The following C10orf143 variants were observed in gnomAD, a reference collection of about 807,000 sequenced individuals.
C10orf143 encodes the protein chromosome 10 open reading frame 143.
chr10:130,055,601 A>C (rs886729514), intron 3 of C10orf143, among the ~76,000 whole-genome samples: 2 of 152,304 alleles, frequency 1.3e-5, no homozygotes, highest in Admixed American at 1.3e-4. Context: ...GTTTGAAAAA[A>C]TTAAGAATTA....
chr10:130,106,216 T>G (rs780999944), intron 1 of C10orf143: 1 of 1,271,562 alleles, frequency 7.9e-7, no homozygotes, highest in South Asian at 1.2e-5. Context: ...CTGTTCTCCT[T>G]TTTCTGTGGA....
chr10:130,048,823 C>T (rs1429687371), intron 3 of C10orf143, among the ~76,000 whole-genome samples: 1 of 152,034 alleles, frequency 6.6e-6, no homozygotes. Flanking sequence ...CCGCCTCAGT[C>T]CCCCAAGCAG....
At chr10:130,070,248 C>T (rs1015801848) in intron 3 of C10orf143, among the ~76,000 whole-genome samples, 1 of 152,160 alleles carries the variant, frequency 6.6e-6, no homozygotes. Context: ...TGATTCTGTT[C>T]TCTGTTCTTG....
chr10:130,080,375 T>C (rs577384129), intron 1 of C10orf143, among the ~76,000 whole-genome samples: 4 of 152,364 alleles, frequency 2.6e-5, no homozygotes, highest in African/African-American at 9.6e-5. Context: ...GCATACACAG[T>C]CCATAACTGA....
intron 1 of C10orf143, chr10:130,107,238 T>C: frequency 7.8e-7 from 1 of 1,284,756 alleles, no homozygotes; most frequent in Non-Finnish European, 1.1e-6. Flanking sequence ...TACAGGAAAT[T>C]AACAGTAGAG....
chr10:130,091,239 T>C (rs2765486), intron 1 of C10orf143, among the ~76,000 whole-genome samples: 88,132 of 152,116 alleles, frequency 0.58, 26,969 homozygotes, highest in Admixed American at 0.7. Context: ...CAGCAATCTT[T>C]GGTGTTCTGC....
intron 1 of C10orf143, chr10:130,107,727 G>A: frequency 8.1e-7 from 1 of 1,236,360 alleles, no homozygotes; most frequent in Non-Finnish European, 1.2e-6. Context: ...AGAGGCCCAG[G>A]GAATCCTCTG....
At chr10:130,060,968 C>A (rs950773313), downstream of C10orf143, among the ~76,000 whole-genome samples, 1 of 151,978 alleles carries the variant, frequency 6.6e-6, no homozygotes, top group Admixed American at 6.5e-5. Flanking sequence ...TGAAGCCCCA[C>A]CTCTACAAAA....
intron 1 of C10orf143, among the ~76,000 whole-genome samples, chr10:130,097,723 C>T (rs747761992): frequency 7.4e-5 from 11 of 149,156 alleles, no homozygotes; most frequent in Non-Finnish European, 1.6e-4. Flanking sequence ...TATTATACAG[C>T]CATAAAAAGG....
chr10:130,095,876 G>A (rs1038154853), intron 1 of C10orf143, among the ~76,000 whole-genome samples: 4 of 152,138 alleles, frequency 2.6e-5, no homozygotes, highest in African/African-American at 9.7e-5. Flanking sequence ...TCAGGACACA[G>A]GCATGGACAA....
rs1443760197 is a variant in C10orf143, at chr10:130,065,732, A to G, written c.298-1349T>C. The G allele has an allele frequency of 6.6e-6, 1 of 152,238 alleles. No homozygotes were observed. The highest frequency in any genetic ancestry group is 6.5e-5 in the Admixed American group (1 of 15,282). The allele number at this position is 152,238 out of a possible 1,614,324, so 9.4% of individuals were successfully genotyped here. On this transcript the variant is annotated intron_variant, in intron 3 of 3. Coordinates refer to ENST00000637128, the MANE Select transcript of C10orf143 (RefSeq NM_001355042.2). This position sits in a 1 kb window ranked among gnomAD's most constrained non-coding sequence, Gnocchi z 4.2. ...GGTCTTTCACAGTCTAATGGACATCAAGTCTCTAAAAGGCAGGGGAAAGTA... is the reference window on the plus strand; with the variant it reads ...GGTCTTTCACAGTCTAATGGACATCGAGTCTCTAAAAGGCAGGGGAAAGTA...
At chr10:130,043,943 G>C (rs1182424336) in intron 3 of C10orf143, among the ~76,000 whole-genome samples, 1 of 152,162 alleles carries the variant, frequency 6.6e-6, no homozygotes, top group Non-Finnish European at 1.5e-5. Context: ...TTAGGGTTGG[G>C]GCTCAGCCTG....
intron 1 of C10orf143, among the ~76,000 whole-genome samples, chr10:130,097,256 C>T (rs1481870010): frequency 3.3e-5 from 5 of 152,054 alleles, no homozygotes; most frequent in Admixed American, 3.3e-4. Flanking sequence ...TGCTCAACAT[C>T]AATACTACAG....
At chr10:130,050,976 G>A (rs569958859) in intron 3 of C10orf143, among the ~76,000 whole-genome samples, 1 of 152,296 alleles carries the variant, frequency 6.6e-6, no homozygotes, top group Admixed American at 6.5e-5. Flanking sequence ...TGCAAAACAC[G>A]CCGGCCCGTG....
chr10:130,064,422 C>A (rs1860896047), intron 3 of C10orf143, 39 bp from the exon 4 acceptor site: 1 of 398,388 alleles, frequency 2.5e-6, no homozygotes, highest in Non-Finnish European at 4.4e-6. Flanking sequence ...AATTAATTTA[C>A]CTTGGCCAAA....
chr10:130,061,842 G>C (rs7071557), downstream of C10orf143, among the ~76,000 whole-genome samples: 2 of 152,158 alleles, frequency 1.3e-5, no homozygotes, highest in African/African-American at 2.4e-5. Flanking sequence ...AGTTCTGCAC[G>C]GGGTGAGCTC....
At chr10:130,083,051 T>C (rs1174496907) in intron 1 of C10orf143, among the ~76,000 whole-genome samples, 1 of 151,750 alleles carries the variant, frequency 6.6e-6, no homozygotes, top group Admixed American at 6.6e-5. Context: ...AAAGGGTGAA[T>C]AACCTGAATA....
chr10:130,057,347 C>T (rs188808687), intron 3 of C10orf143, among the ~76,000 whole-genome samples: 1 of 152,348 alleles, frequency 6.6e-6, no homozygotes, highest in Non-Finnish European at 1.5e-5. Flanking sequence ...CCATCTGCAA[C>T]TCAGTGCCCA....
rs932877028 is a variant in C10orf143, at chr10:130,064,122, G to C, written c.*232C>G. On this transcript the variant is annotated 3_prime_UTR_variant, in exon 4 of 4. Transcript: ENST00000637128. ...ATTCGAAAGGAGGCTGTAGTACGTA[G>C]TAAGGATTTGGGGGCTCTTTTGAAG... 9 of 376,132 alleles carry C rather than the reference G, an allele frequency of 2.4e-5. No individual in the cohort carries two copies. The highest frequency in any genetic ancestry group is 3.8e-5 in the Non-Finnish European group (8 of 212,834). The allele number at this position is 376,132 out of a possible 1,614,324, so 23.3% of individuals were successfully genotyped here.
Sources: gnomAD v4.1 joint callset for allele counts (sites outside exome capture counted in the v4.1 genomes callset) on GRCh38, gnomAD v4.1.1 for gene constraint, Gnocchi (gnomAD v3.1) non-coding constraint, MANE v1.5 for transcripts, NCBI Gene and HGNC (gene_info 2026-07-23, HGNC 2026-07-21) for gene names.